USE1: variants seen among roughly 807,000 people sequenced by gnomAD.
The protein encoded by USE1 is vesicle transport protein USE1.
A neutral mutation model predicts 37.6 loss-of-function variants in USE1; 32 were observed. That is an observed-to-expected ratio of 0.85 (90% CI 0.64 to 1.14). USE1 has a LOEUF of 1.14. USE1 is among the 50% of genes most tolerant of loss of function. The pLI, the probability that USE1 is intolerant of heterozygous loss-of-function variation, is 0.00. For synonymous variants in USE1, 149 were observed against 137.6 expected (o/e 1.08, Z -0.58); for missense variants, 310 against 332.2 (o/e 0.93, Z 0.52).
Position 17,219,611 on chromosome 19 carries a change from CT to C in USE1, c.598-16del. 1.3e-6 allele frequency: 2 copies of C among 1,584,190 alleles called. No homozygotes were observed. The highest frequency in any genetic ancestry group is 1.7e-6 in the Non-Finnish European group (2 of 1,160,648). ...TTCTTGGCCCCAGTCCTGTTGACAC[CT>C]TTTCCACCTCCCCCACAGACCCTGT... On this transcript the variant is annotated intron_variant, in intron 7 of 7. Coordinates refer to ENST00000263897, the MANE Select transcript of USE1 (RefSeq NM_018467.4).
chr19:17,218,514 C>T (rs1230293047), intron 6 of USE1, 123 bp downstream of exon 6: 5 of 1,268,694 alleles, frequency 3.9e-6, no homozygotes, highest in Non-Finnish European at 5.4e-6. Context: ...CCAGAAGCCA[C>T]TTCTGTGGAT....
At chr19:17,217,679 A>T in intron 5 of USE1, 1 of 641,872 alleles carries the variant, frequency 1.6e-6, no homozygotes, top group Non-Finnish European at 2.8e-6. Context: ...TCGGAGGCTG[A>T]GGCAGGTGGA....
In USE1 at chr19:17,216,258, G is replaced by A. The variant is rs769496174; in HGVS notation, c.321G>A (p.Lys107=). ...CCAGAGAGCGAGTGCCCGCCACAAA[G>A]ACGGTGCATCTGCAGTCACGGGCGC... ...TTARERVPAT[K]TVHLQSRARY... The change falls in exon 4 of 8, where the codon AAG becomes AAA. Residue 107 remains lysine, a synonymous_variant. Coordinates refer to ENST00000263897, the MANE Select transcript of USE1 (RefSeq NM_018467.4). 2 of 1,613,084 alleles carry A rather than the reference G, an allele frequency of 1.2e-6. No homozygotes were observed. The highest frequency in any genetic ancestry group is 1.3e-5 in the African/African-American group (1 of 74,942).
At chr19:17,215,550 G>T in intron 1 of USE1, 43 bp downstream of exon 1, 1 of 1,544,354 alleles carries the variant, frequency 6.5e-7, no homozygotes, top group Non-Finnish European at 8.7e-7. Flanking sequence ...GACTCCCGGG[G>T]GGTGATTCCT....
intron 5 of USE1, 24 bp downstream of exon 5, chr19:17,217,486 G>T: frequency 6.2e-7 from 1 of 1,610,600 alleles, no homozygotes; most frequent in Non-Finnish European, 8.5e-7. Context: ...AACACAACAG[G>T]ACTTGAGGGC....
At chr19:17,219,458 T>C (rs2073312021) in intron 7 of USE1, 71 bp downstream of exon 7, 16 of 1,478,216 alleles carry the variant, frequency 1.1e-5, no homozygotes, top group Non-Finnish European at 1.4e-5. Flanking sequence ...CACAGGAGCA[T>C]TGTGGCTGGG....
chr19:17,218,125 C>G (rs1463642592), intron 5 of USE1: 9 of 531,558 alleles, frequency 1.7e-5, no homozygotes, highest in Non-Finnish European at 3.0e-5. Flanking sequence ...CTAGGCACTC[C>G]CAGCCTATGG....
At chr19:17,215,707 G>A (rs892262573) in intron 1 of USE1, 95 bp from the exon 2 acceptor site, 6 of 919,032 alleles carry the variant, frequency 6.5e-6, no homozygotes, top group African/African-American at 5.2e-5. Flanking sequence ...CCTCCTTTAC[G>A]CTTGACCCCT....
At position 17,219,766 on chromosome 19, in the gene USE1, T is replaced by G. The variant is rs2073313992; in HGVS notation, c.733T>G (p.Phe245Val). Residue 245 changes from phenylalanine to valine, a missense_variant, in exon 8 of 8, where the codon TTC (phenylalanine) becomes GTC (valine). By Grantham distance (50) the Phe-to-Val change is conservative. Coordinates refer to ENST00000263897, the MANE Select transcript of USE1 (RefSeq NM_018467.4). ...WAMLIIVCFI[F>V]ISMILFIRIM... is the part of the protein sequence containing the mutation. ...CATGCTCATTATCGTCTGCTTCATC[T>G]TCATTAGCATGATCCTCTTCATTCG... 1 of 1,610,778 alleles carries G rather than the reference T, an allele frequency of 6.2e-7. No individual in the cohort carries two copies. The highest frequency in any genetic ancestry group is 8.5e-7 in the Non-Finnish European group (1 of 1,178,294).
intron 2 of USE1, 53 bp from the exon 3 acceptor site, chr19:17,215,939 C>A: frequency 6.3e-7 from 1 of 1,582,542 alleles, no homozygotes. Context: ...TGGGACCCTT[C>A]CCTGAGCTGG....
intron 1 of USE1, 52 bp from the exon 2 acceptor site, chr19:17,215,750 T>A: frequency 3.6e-5 from 41 of 1,151,796 alleles, no homozygotes; most frequent in Non-Finnish European, 4.7e-5. Flanking sequence ...CCGACTCCCA[T>A]GATCAGGACA....
At position 17,215,478 on chromosome 19, in the gene USE1, C is replaced by A; in HGVS notation, c.73C>A (p.Arg25=). 1 of 1,564,040 alleles carries A rather than the reference C, an allele frequency of 6.4e-7. No individual in the cohort carries two copies. The highest frequency in any genetic ancestry group is 8.7e-7 in the Non-Finnish European group (1 of 1,155,890). The change falls in exon 1 of 8, where the codon CGG becomes AGG. Residue 25 remains arginine (R), a synonymous_variant. Transcript: ENST00000263897. ...CTGCGAGGCGATGGCAGCGGAGAAA[C>A]GGGACCCGGACGAGTGGCGCCTGGA... The part of the protein sequence containing the change: ...SRCEAMAAEK[R]DPDEWRLEKY...
Position 17,215,791 on chromosome 19 carries a change from T to G in USE1, c.103-11T>G. On this transcript the variant is annotated splice_polypyrimidine_tract_variant and intron_variant, in intron 1 of 7. Transcript: ENST00000263897. ...AAGACCCCCGGGTGACAATCCACTT[T>G]TCCTCCCCAGTACGTGGGAGCCCTA... is the stretch of plus-strand genomic sequence containing the variant. 1 of 1,605,832 alleles carries G rather than the reference T, an allele frequency of 6.2e-7. No individual in the cohort carries two copies. Among genetic ancestry groups the G allele is most frequent in the Non-Finnish European group, 8.5e-7 (1 of 1,176,784 alleles).
At position 17,216,228 on chromosome 19, in the gene USE1, C is replaced by G; in HGVS notation, c.291C>G (p.Thr97=). 1.2e-6 allele frequency: 2 copies of G among 1,612,924 alleles called. No individual in the cohort carries two copies. Among genetic ancestry groups the G allele is most frequent in the Non-Finnish European group, 1.7e-6 (2 of 1,179,858 alleles). Reference sequence around the variant, plus strand: ...TCCTGGCCCCTGGCCGTGTGCCAACCACAGCCAGAGAGCGAGTGCCCGCCA... The same window carrying G: ...TCCTGGCCCCTGGCCGTGTGCCAACGACAGCCAGAGAGCGAGTGCCCGCCA... The part of the protein sequence containing the change: ...NQFLAPGRVP[T]TARERVPATK... Residue 97 remains threonine, a synonymous_variant, in exon 4 of 8, where the codon ACC becomes ACG. Transcript: ENST00000263897.
At position 17,216,079 on chromosome 19, in the gene USE1, G is replaced by C. The variant is rs746048432; in HGVS notation, c.231+9G>C. 133 of 1,612,896 alleles carry C rather than the reference G, an allele frequency of 8.2e-5. No individual in the cohort carries two copies. The Middle Eastern group carries it at 3.6e-3, about 44-fold the overall frequency. On this transcript the variant is annotated intron_variant, in intron 3 of 7. Transcript: ENST00000263897. The stretch of plus-strand genomic sequence containing the variant: ...TGCAAGCCGAGAAGCTGGTGAGAAG[G>C]GGTGCCCCTGCCCCCTCAGCCCCCA...
chr19:17,218,410 G>C lies in USE1; in HGVS notation c.422+19G>C, dbSNP rs764397061. 14 of 1,613,490 alleles carry C rather than the reference G, an allele frequency of 8.7e-6. No homozygotes were observed. Among genetic ancestry groups the C allele is most frequent in the Non-Finnish European group, 1.2e-5 (14 of 1,179,716 alleles). On this transcript the variant is annotated intron_variant, in intron 6 of 7. Coordinates refer to ENST00000263897, the MANE Select transcript of USE1 (RefSeq NM_018467.4). ...AGAGAACGTGAGTGTCTGCGGCCCT[G>C]GGGCAGTAGTGGCAATTGGGCGGTG...
chr19:17,219,157 T>G (rs2073309217), intron 6 of USE1, 56 bp from the exon 7 acceptor site: 1 of 1,549,202 alleles, frequency 6.5e-7, no homozygotes, highest in Non-Finnish European at 8.7e-7. Flanking sequence ...TGTGTTGGTC[T>G]TCTCCCCTTT....
In USE1 at chr19:17,219,224, G is replaced by A. The variant is rs1367269309; in HGVS notation, c.434G>A (p.Gly145Glu). The change falls in exon 7 of 8, where the codon GGG becomes GAG. Residue 145 changes from glycine to glutamate, a missense_variant. Gly to Glu is a moderately conservative substitution (Grantham distance 98). Coordinates refer to ENST00000263897, the MANE Select transcript of USE1 (RefSeq NM_018467.4). ...MDVRKRTGVA[G>E]SQPVSEKQLA... ...GTGTGTGAAATCAGTGGAGTGGCAG[G>A]GTCCCAGCCAGTGAGTGAGAAGCAG... 6.2e-7 allele frequency: 1 copy of A among 1,612,128 alleles called. No homozygotes were observed. The highest frequency in any genetic ancestry group is 1.7e-5 in the Admixed American group (1 of 59,918).
rs1043507161 is a variant in USE1, at chr19:17,215,497, G to A, written c.92G>A (p.Arg31His). The A allele has an allele frequency of 3.2e-6, 5 of 1,559,228 alleles. No individual in the cohort carries two copies. Among genetic ancestry groups the A allele is most frequent in the East Asian group, 2.4e-5 (1 of 41,538 alleles). ...GAGAAACGGGACCCGGACGAGTGGC[G>A]CCTGGAGAAGGTGAGGGGATCTCGC... ...AAEKRDPDEW[R>H]LEKYVGALED... Residue 31 changes from arginine to histidine, a missense_variant, in exon 1 of 8, where the codon CGC becomes CAC. Arg to His is a conservative substitution (Grantham distance 29, BLOSUM62 0). Coordinates refer to ENST00000263897, the MANE Select transcript of USE1 (RefSeq NM_018467.4).
Sources: gnomAD v4.1 joint callset for allele counts on GRCh38, gnomAD v4.1.1 for gene constraint, MANE v1.5 for transcripts, NCBI Gene and HGNC (gene_info 2026-07-23, HGNC 2026-07-21) for gene names.